FAM186B: variants seen among roughly 807,000 people sequenced by gnomAD.
FAM186B encodes family with sequence similarity 186 member B, also known as protein FAM186B.
FAM186B carries 68 observed loss-of-function variants against 83.4 expected under a neutral mutation model. The ratio of observed to expected loss-of-function variants is 0.81; its 90% CI spans 0.67 to 1.00. The LOEUF is 1.00. Among genes scored for constraint, FAM186B ranks in the 50% least tolerant of loss-of-function variants. The probability of loss-of-function intolerance (pLI) is 0.00; values close to 1 mark genes in which losing one functional copy is unlikely to be tolerated. For synonymous variants in FAM186B, 389 were observed against 422.0 expected (o/e 0.92, Z 0.96); for missense variants, 983 against 1,099.2 (o/e 0.89, Z 1.49).
chr12:49,600,048 T>A lies in FAM186B; in HGVS notation c.1592A>T (p.Gln531Leu), dbSNP rs201221640. The A allele has an allele frequency of 9.3e-6, 15 of 1,606,334 alleles. No homozygotes were observed. In the East Asian group the frequency reaches 3.3e-4, roughly 36 times the overall value. Residue 531 changes from glutamine to leucine, a missense_variant, in exon 4 of 7, where the codon CAG (glutamine) becomes CTG (leucine). Gln to Leu is a moderately radical substitution (Grantham distance 113). Transcript: ENST00000257894. The surrounding 1 kb of genome is among the most constrained non-coding windows in gnomAD (Gnocchi z 4.3). Reference sequence around the variant, plus strand: ...CTTTTCTAGCTGGACCCATCTCCGCTGTTGCTCCCTGGCCAGGTCTTCCAG... The same window carrying A: ...CTTTTCTAGCTGGACCCATCTCCGCAGTTGCTCCCTGGCCAGGTCTTCCAG... ...WNLEDLAREQ[Q>L]RRWVQLEKEQ...
chr12:49,588,169 G>A (rs775324211), intron 6 of FAM186B, among the ~76,000 whole-genome samples: 11 of 152,224 alleles, frequency 7.2e-5, no homozygotes, highest in Non-Finnish European at 1.6e-4. Context: ...GGGTAGAAAG[G>A]TTATAAGTTT....
chr12:49,612,805 T>C, the FAM186B span, among the ~76,000 whole-genome samples: 4 of 152,178 alleles, frequency 2.6e-5, no homozygotes, highest in South Asian at 2.1e-4. Context: ...AACACCCCAA[T>C]GACAGCATTA....
At chr12:49,588,653 A>T in intron 5 of FAM186B, 30 bp from the exon 6 acceptor site, 6 of 1,540,498 alleles carry the variant, frequency 3.9e-6, no homozygotes, top group Non-Finnish European at 5.3e-6. Context: ...GGCATCAGGG[A>T]AACAGGAAGT....
chr12:49,603,941 C>T (rs1012653201), intron 2 of FAM186B, among the ~76,000 whole-genome samples: 1 of 152,186 alleles, frequency 6.6e-6, no homozygotes, highest in African/African-American at 2.4e-5. Flanking sequence ...CTGGCCCACA[C>T]CCAAATGGCT....
chr12:49,601,155 AAAGTCAACG>A, intron 3 of FAM186B, 21 bp from the exon 4 acceptor site: 2 of 1,520,960 alleles, frequency 1.3e-6, no homozygotes, highest in Non-Finnish European at 1.8e-6. Flanking sequence ...TAGAGAGAAA[AAAGTCAACG>A]ATTTCTCATG....
At chr12:49,596,109 T>C (rs1027705297) in intron 5 of FAM186B, among the ~76,000 whole-genome samples, 1 of 152,186 alleles carries the variant, frequency 6.6e-6, no homozygotes, top group African/African-American at 2.4e-5. Context: ...ATTAATGTGT[T>C]CAGAAGCCAC....
chr12:49,587,200 G>A (rs1231492113), downstream of FAM186B, among the ~76,000 whole-genome samples: 3 of 152,092 alleles, frequency 2.0e-5, no homozygotes, highest in Non-Finnish European at 2.9e-5. Context: ...GAAAGGAAGT[G>A]ACAGGCCCAG....
At chr12:49,615,624 A>G in the FAM186B span, among the ~76,000 whole-genome samples, 1 of 152,144 alleles carries the variant, frequency 6.6e-6, no homozygotes, top group Admixed American at 6.5e-5. Context: ...CTCCGTCTCT[A>G]CTAAAAATAC....
rs2138240913 is a variant in FAM186B, at chr12:49,588,478, G to T, written c.2510C>A (p.Ala837Glu). ...YKQPFLSRHR[A>E]CVPLQMARQQ... ...CCGGGCCATCTGCAGGGGCACACATGCCCGGTGCCTAGACAGAAAGGGCTG... is the reference window on the plus strand; with the variant it reads ...CCGGGCCATCTGCAGGGGCACACATTCCCGGTGCCTAGACAGAAAGGGCTG... The change falls in exon 6 of 7, where the codon GCA becomes GAA. Residue 837 changes from alanine to glutamate, a missense_variant. Transcript: ENST00000257894. 1 of 1,613,096 alleles carries T rather than the reference G, an allele frequency of 6.2e-7. No individual in the cohort carries two copies. Among genetic ancestry groups the T allele is most frequent in the South Asian group, 1.1e-5 (1 of 90,914 alleles).
chr12:49,589,811 T>G (rs1939540531), intron 5 of FAM186B, among the ~76,000 whole-genome samples: 1 of 151,810 alleles, frequency 6.6e-6, no homozygotes, highest in South Asian at 2.1e-4. Context: ...TGAAACCCCG[T>G]CTCTACTAAA....
chr12:49,619,810 G>A, the FAM186B span, among the ~76,000 whole-genome samples: 1 of 151,304 alleles, frequency 6.6e-6, no homozygotes, highest in Admixed American at 6.6e-5. Flanking sequence ...GAGTAGCTAG[G>A]ATTACAGGTG....
chr12:49,593,523 A>T, intron 5 of FAM186B, among the ~76,000 whole-genome samples: 1 of 151,360 alleles, frequency 6.6e-6, no homozygotes, highest in African/African-American at 2.4e-5. Context: ...AATCCCAGCT[A>T]CTCGGGAGGC....
intron 5 of FAM186B, among the ~76,000 whole-genome samples, chr12:49,596,648 G>T (rs573331467): frequency 6.6e-6 from 1 of 152,324 alleles, no homozygotes; most frequent in Admixed American, 6.5e-5. Flanking sequence ...TGGCAAGGGT[G>T]TGAAGAAAAG....
At chr12:49,587,166 G>A (rs1326645058), downstream of FAM186B, among the ~76,000 whole-genome samples, 1 of 152,010 alleles carries the variant, frequency 6.6e-6, no homozygotes, top group African/African-American at 2.4e-5. Flanking sequence ...GTTCTTTCTA[G>A]GGACCGTTCT....
At chr12:49,614,705 C>A in the FAM186B span, among the ~76,000 whole-genome samples, 2 of 152,106 alleles carry the variant, frequency 1.3e-5, no homozygotes, top group Non-Finnish European at 2.9e-5. Flanking sequence ...TGTAACAAAC[C>A]TGCACATGTA....
rs1939862412 is a variant in FAM186B, at chr12:49,600,579, A to G, written c.1061T>C (p.Met354Thr). 5 of 1,612,918 alleles carry G rather than the reference A, an allele frequency of 3.1e-6. No individual in the cohort carries two copies. Among genetic ancestry groups the G allele is most frequent in the Non-Finnish European group, 4.2e-6 (5 of 1,179,498 alleles). ...CATCGGTTCCTGTTGGCTTTCCTCC[A>G]TGACTGTTTCTTTCCTTGGGAGGGT... Reference protein sequence around the residue: ...RETLPRKETVMEESQQEPMKE... With the variant: ...RETLPRKETVTEESQQEPMKE... The change falls in exon 4 of 7, where the codon ATG becomes ACG. Residue 354 changes from methionine to threonine, a missense_variant. By Grantham distance (81) the Met-to-Thr change is moderately conservative. Transcript: ENST00000257894. The surrounding 1 kb of genome is among the most constrained non-coding windows in gnomAD (Gnocchi z 4.3).
chr12:49,583,445 G>A, downstream of FAM186B: 1 of 196,784 alleles, frequency 5.1e-6, no homozygotes, highest in Non-Finnish European at 1.1e-5. Context: ...TTGGGGTGAG[G>A]CCTCCAGAAA....
intron 5 of FAM186B, among the ~76,000 whole-genome samples, chr12:49,596,582 AT>A (rs1939732255): frequency 1.3e-5 from 2 of 152,190 alleles, no homozygotes; most frequent in African/African-American, 4.8e-5. Context: ...ACAATGAGCT[AT>A]CACCTCACAC....
the FAM186B span, among the ~76,000 whole-genome samples, chr12:49,618,529 T>C: frequency 6.6e-6 from 1 of 150,434 alleles, no homozygotes; most frequent in Non-Finnish European, 1.5e-5. Context: ...AAAAAGAAAT[T>C]TGGAGCAGAG....
Sources: allele counts gnomAD v4.1 joint callset (sites outside exome capture counted in the v4.1 genomes callset), GRCh38; gene constraint gnomAD v4.1.1; non-coding constraint Gnocchi (gnomAD v3.1); transcripts MANE v1.5; gene names NCBI Gene and HGNC (gene_info 2026-07-23, HGNC 2026-07-21).